PGAP1: variants seen among roughly 807,000 people sequenced by gnomAD.
The protein encoded by PGAP1 is GPI inositol-deacylase.
PGAP1 carries 76 observed loss-of-function variants against 127.0 expected under a neutral mutation model. The observed-to-expected ratio is 0.60, with a 90% confidence interval of 0.50 to 0.72. The LOEUF (loss-of-function observed/expected upper bound fraction) is 0.72. PGAP1 is among the 30% of genes least tolerant of loss of function. The probability of loss-of-function intolerance (pLI) is 0.00; values close to 1 mark genes in which losing one functional copy is unlikely to be tolerated. For missense variants in PGAP1, 982 were observed against 1,071.3 expected (o/e 0.92, Z 1.16); for synonymous variants, 362 against 366.5 (o/e 0.99, Z 0.14).
chr2:196,912,903 G>C lies in PGAP1; in HGVS notation c.628C>G (p.Pro210Ala). The change falls in exon 4 of 27, where the codon CCA becomes GCA. Residue 210 changes from proline to alanine, a missense_variant. By Grantham distance (27) the Pro-to-Ala change is conservative. Coordinates refer to ENST00000354764, the MANE Select transcript of PGAP1 (RefSeq NM_024989.4). ...QATPHVAPVM[P>A]LDRFITDFYT... ...TCACCTGTAATGAAACGATCTAATG[G>C]CATCACAGGAGCAACATGAGGTGTG... 6.2e-7 allele frequency: 1 copy of C among 1,610,762 alleles called. No homozygotes were observed. Among genetic ancestry groups the C allele is most frequent in the Non-Finnish European group, 8.5e-7 (1 of 1,178,646 alleles).
In PGAP1 at chr2:196,839,856, G is replaced by A. The variant is rs1465754627; in HGVS notation, c.*1378C>T. ...TACTAACAAGGATACATATTCACAA[G>A]TGCAATGGTGGAATCACTGGAAATT... is the stretch of plus-strand genomic sequence containing the variant. On this transcript the variant is annotated 3_prime_UTR_variant, in exon 27 of 27. Transcript: ENST00000354764. 1 of 152,176 alleles carries A rather than the reference G, an allele frequency of 6.6e-6. No individual in the cohort carries two copies. Among genetic ancestry groups the A allele is most frequent in the Non-Finnish European group, 1.5e-5 (1 of 68,026 alleles). The allele number at this position is 152,176 out of a possible 1,614,324, so 9.4% of individuals were successfully genotyped here. A position where few individuals can be genotyped will look rare whatever the true frequency, so the allele number is the denominator to read the frequency against.
At chr2:196,846,675 T>C (rs1038640671) in intron 22 of PGAP1, among the ~76,000 whole-genome samples, 6 of 152,186 alleles carry the variant, frequency 3.9e-5, no homozygotes, top group African/African-American at 1.4e-4. Flanking sequence ...GGTTTCAATA[T>C]AGAAGTCAGC....
chr2:196,878,120 A>G (rs1411529650), intron 13 of PGAP1, among the ~76,000 whole-genome samples: 1 of 152,048 alleles, frequency 6.6e-6, no homozygotes, highest in African/African-American at 2.4e-5. Context: ...TATCAAAATC[A>G]CCATTCTTTT....
intron 20 of PGAP1, among the ~76,000 whole-genome samples, chr2:196,852,148 C>CAAA (rs1700739447): frequency 6.6e-6 from 1 of 152,016 alleles, no homozygotes; most frequent in African/African-American, 2.4e-5. Context: ...CTTTCACAAA[C>CAAA]CAGTGAGTTT....
At chr2:196,852,609 G>A (rs529493791) in intron 20 of PGAP1, among the ~76,000 whole-genome samples, 4 of 151,964 alleles carry the variant, frequency 2.6e-5, no homozygotes, top group South Asian at 2.1e-4. Flanking sequence ...AAATAATTTT[G>A]TCTAATTTGG....
rs759377188 is a variant in PGAP1 at position 196,926,585 on chromosome 2, A to G, written c.32T>C (p.Leu11Pro). 6.2e-7 allele frequency: 1 copy of G among 1,614,226 alleles called. No individual in the cohort carries two copies. The highest frequency in any genetic ancestry group is 8.5e-7 in the Non-Finnish European group (1 of 1,180,040). ...AAAGACCATGAAGACATAAAACGCC[A>G]GGTTCCAGAGATTAACTGAGTGAAG... MFLHSVNLWN[L>P]AFYVFMVFLA... Residue 11 changes from leucine (L) to proline (P), a missense_variant, in exon 1 of 27, where the codon CTG (leucine) becomes CCG (proline). Physicochemically the swap from Leu to Pro is moderately conservative, Grantham distance 98 (BLOSUM62 -3). Coordinates refer to ENST00000354764, the MANE Select transcript of PGAP1 (RefSeq NM_024989.4).
chr2:196,898,460 CATAAT>C (rs1702361330), intron 5 of PGAP1, 91 bp from the exon 6 acceptor site: 2 of 830,032 alleles, frequency 2.4e-6, no homozygotes, highest in Admixed American at 2.3e-5. Flanking sequence ...TTTAGAAACA[CATAAT>C]ATAGTTTCAC....
intron 12 of PGAP1, among the ~76,000 whole-genome samples, chr2:196,883,990 C>T (rs1701813938): frequency 6.6e-6 from 1 of 152,146 alleles, no homozygotes; most frequent in Admixed American, 6.5e-5. Flanking sequence ...GTTCAGCCAG[C>T]TGTTTCTTAC....
chr2:196,885,593 G>A, intron 11 of PGAP1, 118 bp from the exon 12 acceptor site: 1 of 761,968 alleles, frequency 1.3e-6, no homozygotes, highest in South Asian at 2.2e-5. Context: ...TGTCTATTGA[G>A]CCTAATCCAA....
chr2:196,869,569 C>T (rs1482884708), intron 19 of PGAP1, among the ~76,000 whole-genome samples: 1 of 152,272 alleles, frequency 6.6e-6, no homozygotes, highest in African/African-American at 2.4e-5. Flanking sequence ...CTCCTGACCT[C>T]GTGATCCATC....
intron 2 of PGAP1, 90 bp downstream of exon 2, chr2:196,919,907 T>G: frequency 7.6e-7 from 1 of 1,321,874 alleles, no homozygotes; most frequent in South Asian, 1.5e-5. Flanking sequence ...TGCATTTCAT[T>G]TACTTTATTT....
intron 14 of PGAP1, 65 bp from the exon 15 acceptor site, chr2:196,873,823 TTTAA>T: frequency 9.2e-7 from 1 of 1,086,820 alleles, no homozygotes; most frequent in Non-Finnish European, 1.4e-6. Flanking sequence ...ATACTGATTA[TTTAA>T]TTAGCATTAA....
chr2:196,892,349 G>C lies in PGAP1; in HGVS notation c.1086C>G (p.Tyr362Ter). ...AATCCATTGGTGGAATACTTACGTT[G>C]TAAGCTACATAGGTCCATTTGGACA... ...VKVSKWTYVA[Y>*]NESEKIYFTF... is the part of the protein sequence containing the mutation. Residue 362 changes from tyrosine (Y) to a stop codon, truncating the protein, a stop_gained, in exon 9 of 27, where the codon TAC becomes TAG. Transcript: ENST00000354764. LOFTEE classifies it high-confidence loss of function. The C allele has an allele frequency of 7.0e-7, 1 of 1,425,026 alleles. No individual in the cohort carries two copies. Among genetic ancestry groups the C allele is most frequent in the Non-Finnish European group, 9.6e-7 (1 of 1,036,362 alleles). 88.3% of individuals were successfully genotyped at this position (1,425,026 alleles called of 1,614,324 possible).
chr2:196,880,189 T>C (rs760565973), intron 12 of PGAP1, 36 bp from the exon 13 acceptor site: 7 of 1,234,514 alleles, frequency 5.7e-6, no homozygotes, highest in East Asian at 2.6e-5. Context: ...TTTTATTTCT[T>C]AGAGATTAAT....
intron 24 of PGAP1, 64 bp downstream of exon 24, chr2:196,844,460 A>AT: frequency 3.4e-6 from 4 of 1,166,936 alleles, no homozygotes; most frequent in Non-Finnish European, 4.9e-6. Flanking sequence ...AAAAAAAAAA[A>AT]CTCTTATATT....
chr2:196,855,906 G>T (rs991590239), intron 20 of PGAP1, among the ~76,000 whole-genome samples: 2 of 152,146 alleles, frequency 1.3e-5, no homozygotes, highest in Admixed American at 6.5e-5. Context: ...CTGACTTTAA[G>T]GGTTCCCAGC....
intron 17 of PGAP1, 72 bp downstream of exon 17, chr2:196,872,884 TTAAA>T (rs1407757432): frequency 2.1e-5 from 14 of 652,622 alleles, no homozygotes; most frequent in African/African-American, 1.3e-4. Context: ...AATTCATGAT[TTAAA>T]TAAATAAACT....
At chr2:196,860,067 G>T (rs920304215) in intron 20 of PGAP1, among the ~76,000 whole-genome samples, 1 of 151,994 alleles carries the variant, frequency 6.6e-6, no homozygotes, top group Admixed American at 6.6e-5. Flanking sequence ...AAATGGTCAA[G>T]TTATCCTTGT....
At position 196,873,564 on chromosome 2, in the gene PGAP1, T is replaced by A. The variant is rs1364451910; in HGVS notation, c.1516A>T (p.Lys506Ter). Residue 506 changes from lysine (K) to a stop codon, truncating the protein, a stop_gained, in exon 16 of 27, where the codon AAA becomes TAA. Coordinates refer to ENST00000354764, the MANE Select transcript of PGAP1 (RefSeq NM_024989.4). LOFTEE classifies it high-confidence loss of function. ...LNFGQIYQAF[K>*]INVVSKCSAV... ...GAGCACTTGCTTACCACGTTGATTT[T>A]AAAAGCTTGGTATATCTAATAGAGT... 6.2e-7 allele frequency: 1 copy of A among 1,611,194 alleles called. No homozygotes were observed. The highest frequency in any genetic ancestry group is 8.5e-7 in the Non-Finnish European group (1 of 1,178,482).
Sources: gnomAD v4.1 joint callset for allele counts (sites outside exome capture counted in the v4.1 genomes callset) on GRCh38, gnomAD v4.1.1 for gene constraint, MANE v1.5 for transcripts, NCBI Gene and HGNC (gene_info 2026-07-23, HGNC 2026-07-21) for gene names.